SERPINB8: variants seen among roughly 807,000 people sequenced by gnomAD.
SERPINB8 encodes serpin family B member 8, also known as serpin B8.
Under a neutral mutation model 35.3 loss-of-function variants are expected in SERPINB8, and 25 were observed. The ratio of observed to expected loss-of-function variants is 0.71; its 90% CI spans 0.52 to 0.99. The LOEUF is 0.99. Ranked by LOEUF, SERPINB8 falls within the 50% of genes least tolerant of loss-of-function variation. The pLI, the probability that SERPINB8 is intolerant of heterozygous loss-of-function variation, is 0.00. For synonymous variants in SERPINB8, 186 were observed against 160.8 expected (o/e 1.16, Z -1.19); for missense variants, 484 against 446.5 (o/e 1.08, Z -0.76).
At chr18:63,983,127 C>A (rs1392349595) in intron 4 of SERPINB8, among the ~76,000 whole-genome samples, 1 of 152,142 alleles carries the variant, frequency 6.6e-6, no homozygotes, top group East Asian at 1.9e-4. Context: ...ATGCTGCTGG[C>A]TAAACATCCT....
At chr18:64,006,959 G>C (rs2050902759), downstream of SERPINB8, among the ~76,000 whole-genome samples, 1 of 151,666 alleles carries the variant, frequency 6.6e-6, no homozygotes, top group South Asian at 2.1e-4. Flanking sequence ...TGACTCAGAG[G>C]AAAGAAAATA....
In SERPINB8 at chr18:63,970,123, A is replaced by C; in HGVS notation, c.-58A>C. ...AGCATCTACAAAGGAGGAATAGTCAAAGCAGCAGCGGCGGCGGCGGCGGCG... is the reference window on the plus strand; with the variant it reads ...AGCATCTACAAAGGAGGAATAGTCACAGCAGCAGCGGCGGCGGCGGCGGCG... On this transcript the variant is annotated 5_prime_UTR_variant, in exon 1 of 7. Coordinates refer to ENST00000397985, the MANE Select transcript of SERPINB8 (RefSeq NM_002640.4). 2 of 330,776 alleles carry C rather than the reference A, an allele frequency of 6.0e-6. No individual in the cohort carries two copies. The highest frequency in any genetic ancestry group is 2.3e-5 in the South Asian group (1 of 43,880). 20.5% of individuals were successfully genotyped at this position (330,776 alleles called of 1,614,324 possible).
chr18:63,978,202 C>A, intron 1 of SERPINB8, 97 bp from the exon 2 acceptor site: 1 of 1,325,680 alleles, frequency 7.5e-7, no homozygotes, highest in South Asian at 1.2e-5. Context: ...GGTTCTTCCA[C>A]CTACCACCTC....
rs772273260 is a variant in SERPINB8 at position 63,979,957 on chromosome 18, T to G, written c.306+19T>G. ...CCTTCCAGTAAGTAGTATTCACATA[T>G]TGATGACAAAGAAATTGAAAGTAAG... On this transcript the variant is annotated intron_variant, in intron 3 of 6. Coordinates refer to ENST00000397985, the MANE Select transcript of SERPINB8 (RefSeq NM_002640.4). 1.2e-6 allele frequency: 2 copies of G among 1,612,692 alleles called. No homozygotes were observed. The highest frequency in any genetic ancestry group is 8.5e-7 in the Non-Finnish European group (1 of 1,178,934).
intron 1 of SERPINB8, among the ~76,000 whole-genome samples, chr18:64,004,148 ATC>A (rs2050889195): frequency 1.0e-5 from 1 of 96,548 alleles, no homozygotes; most frequent in African/African-American, 3.3e-5. Flanking sequence ...TTTTGCCTAT[ATC>A]TTTTTTGGAG....
intron 1 of SERPINB8, among the ~76,000 whole-genome samples, chr18:63,996,848 C>T (rs1246232600): frequency 6.6e-6 from 1 of 152,196 alleles, no homozygotes; most frequent in African/African-American, 2.4e-5. Context: ...AAAAAGGATG[C>T]CCAGTGATTT....
chr18:63,971,004 A>T (rs1372262290), intron 1 of SERPINB8, among the ~76,000 whole-genome samples: 2 of 151,874 alleles, frequency 1.3e-5, no homozygotes, highest in Non-Finnish European at 2.9e-5. Context: ...TCTCCATTCC[A>T]AAGGGCCTCA....
intron 5 of SERPINB8, among the ~76,000 whole-genome samples, chr18:63,984,860 C>T (rs550223146): frequency 6.8e-6 from 1 of 146,128 alleles, no homozygotes; most frequent in East Asian, 2.0e-4. Flanking sequence ...ATTTTTGTGT[C>T]CTTCTCCATT....
At chr18:63,998,085 G>A (rs567511420) in intron 1 of SERPINB8, among the ~76,000 whole-genome samples, 7 of 152,258 alleles carry the variant, frequency 4.6e-5, no homozygotes, top group Admixed American at 2.0e-4. Context: ...TAATCCACCC[G>A]CCAGACCCTG....
chr18:64,001,385 T>TA (rs371996223), intron 1 of SERPINB8, among the ~76,000 whole-genome samples: 1 of 152,194 alleles, frequency 6.6e-6, no homozygotes, highest in Non-Finnish European at 1.5e-5. Flanking sequence ...AACCATCATT[T>TA]AAAAAATCAG....
intron 1 of SERPINB8, among the ~76,000 whole-genome samples, chr18:63,975,248 C>T (rs570273212): frequency 6.6e-6 from 1 of 152,256 alleles, no homozygotes; most frequent in East Asian, 1.9e-4. Context: ...TTACCCAATT[C>T]TCTCCATCTT....
downstream of SERPINB8, among the ~76,000 whole-genome samples, chr18:64,007,459 G>T (rs367998366): frequency 6.6e-6 from 1 of 152,040 alleles, no homozygotes; most frequent in Non-Finnish European, 1.5e-5. Flanking sequence ...AAATAAAAGC[G>T]TACTCTTCAA....
intron 1 of SERPINB8, among the ~76,000 whole-genome samples, chr18:64,002,727 C>A (rs2050881565): frequency 1.3e-5 from 2 of 152,046 alleles, no homozygotes; most frequent in Admixed American, 6.5e-5. Context: ...GAAGGGGCGT[C>A]GGCCGACCCC....
At chr18:64,001,820 G>T (rs1325490371) in intron 1 of SERPINB8, among the ~76,000 whole-genome samples, 2 of 152,134 alleles carry the variant, frequency 1.3e-5, no homozygotes, top group Admixed American at 6.5e-5. Flanking sequence ...CTAGACACCT[G>T]CTTGCCCCAC....
chr18:63,984,627 A>T (rs988515268), intron 5 of SERPINB8, among the ~76,000 whole-genome samples: 13 of 152,250 alleles, frequency 8.5e-5, no homozygotes, highest in Non-Finnish European at 4.4e-5. Flanking sequence ...CATCTCTTCA[A>T]GGTCCCCTTC....
chr18:63,996,925 G>A (rs1384789298), intron 1 of SERPINB8, among the ~76,000 whole-genome samples: 2 of 152,206 alleles, frequency 1.3e-5, no homozygotes, highest in Non-Finnish European at 2.9e-5. Context: ...ACCCAACTAA[G>A]AGGTTACTAG....
intron 1 of SERPINB8, among the ~76,000 whole-genome samples, chr18:63,976,030 A>G (rs1211353541): frequency 6.6e-6 from 1 of 152,196 alleles, no homozygotes; most frequent in Non-Finnish European, 1.5e-5. Context: ...GATAATTTAT[A>G]TCTCTAGATA....
downstream of SERPINB8, among the ~76,000 whole-genome samples, chr18:63,990,663 T>C (rs679949): frequency 0.42 from 60,025 of 143,744 alleles, 13,964 homozygotes; most frequent in African/African-American, 0.64. Context: ...CTATCCCTCA[T>C]CCCTCCCCCC....
At chr18:63,995,535 ATG>A (rs1236527912) in intron 1 of SERPINB8, among the ~76,000 whole-genome samples, 7 of 152,110 alleles carry the variant, frequency 4.6e-5, no homozygotes, top group African/African-American at 7.2e-5. Flanking sequence ...CCATGACTGC[ATG>A]TGTTCTTGGT....
Sources: gnomAD v4.1 joint callset for allele counts (sites outside exome capture counted in the v4.1 genomes callset) on GRCh38, gnomAD v4.1.1 for gene constraint, MANE v1.5 for transcripts, NCBI Gene and HGNC (gene_info 2026-07-23, HGNC 2026-07-21) for gene names.